SPEN: variants seen among roughly 807,000 people sequenced by gnomAD.
The protein encoded by SPEN is spen family transcriptional repressor.
Under a neutral mutation model 269.9 loss-of-function variants are expected in SPEN, and 18 were observed. That is an observed-to-expected ratio of 0.07 (90% confidence interval 0.05 to 0.10). The LOEUF (loss-of-function observed/expected upper bound fraction) is 0.10. Ranked by LOEUF, SPEN falls within the 10% of genes least tolerant of loss-of-function variation. SPEN has a pLI of 1.00. For missense variants in SPEN, 3,822 were observed against 4,631.2 expected (o/e 0.83, Z 5.07); for synonymous variants, 1,726 against 1,765.7 (o/e 0.98, Z 0.56).
intron 3 of SPEN, among the ~76,000 whole-genome samples, chr1:15,887,460 T>C (rs1166419005): frequency 6.6e-6 from 1 of 151,054 alleles, no homozygotes; most frequent in Non-Finnish European, 1.5e-5. Flanking sequence ...TTTTTGTATT[T>C]TTAGTAGAGA....
chr1:15,874,464 A>C, intron 2 of SPEN: 1 of 1,191,158 alleles, frequency 8.4e-7, no homozygotes, highest in Non-Finnish European at 1.1e-6. Flanking sequence ...TTTTTTCCCC[A>C]CTAACTCTAG....
chr1:15,877,795 A>C (rs554954986), intron 3 of SPEN, among the ~76,000 whole-genome samples: 60 of 124,668 alleles, frequency 4.8e-4, no homozygotes, highest in African/African-American at 1.9e-3. Context: ...CCTAGGCTGG[A>C]GTGCAATGGC....
chr1:15,874,976 G>T (rs1253986496), intron 2 of SPEN, among the ~76,000 whole-genome samples: 2 of 152,118 alleles, frequency 1.3e-5, no homozygotes, highest in Non-Finnish European at 2.9e-5. Flanking sequence ...GGTATTAATT[G>T]TTATAAGATT....
chr1:15,869,590 A>G (rs2070552711), intron 1 of SPEN, among the ~76,000 whole-genome samples: 1 of 150,590 alleles, frequency 6.6e-6, no homozygotes, highest in Non-Finnish European at 1.5e-5. Flanking sequence ...GTATTTATTT[A>G]TTTATTTATT....
chr1:15,885,416 G>A (rs2070727731), intron 3 of SPEN, among the ~76,000 whole-genome samples: 1 of 152,154 alleles, frequency 6.6e-6, no homozygotes, highest in Admixed American at 6.5e-5. Context: ...GTTACATGAA[G>A]TTTCTTTTTA....
Position 15,932,159 on chromosome 1 carries a change from A to G in SPEN, c.5919A>G (p.Glu1973=). 2 of 1,612,908 alleles carry G rather than the reference A, an allele frequency of 1.2e-6. No homozygotes were observed. The highest frequency in any genetic ancestry group is 1.7e-6 in the Non-Finnish European group (2 of 1,179,498). The change falls in exon 11 of 15, where the codon GAA becomes GAG. Residue 1973 remains glutamate, a synonymous_variant. Transcript: ENST00000375759. This position sits in a 1 kb window ranked among gnomAD's most constrained non-coding sequence, Gnocchi z 4.2. The part of the protein sequence containing the change: ...EEENEAKEPA[E]TLKPPEGWRS... ...AGAACGAGGCCAAGGAACCTGCAGAAACACTCAAGCCACCTGAGGGATGGC... is the reference window on the plus strand; with the variant it reads ...AGAACGAGGCCAAGGAACCTGCAGAGACACTCAAGCCACCTGAGGGATGGC...
chr1:15,926,384 T>C (rs848205), intron 10 of SPEN, among the ~76,000 whole-genome samples: 15,932 of 145,868 alleles, frequency 0.11, 1,220 homozygotes, highest in Admixed American at 0.23. Context: ...GATATATACA[T>C]ACACACACAC....
chr1:15,895,678 C>T (rs1226183580), intron 3 of SPEN, among the ~76,000 whole-genome samples: 1 of 129,688 alleles, frequency 7.7e-6, no homozygotes, highest in African/African-American at 3.0e-5. Context: ...TATACTTAAC[C>T]TTTTTTTTTT....
intron 3 of SPEN, among the ~76,000 whole-genome samples, chr1:15,900,907 T>C (rs1038901401): frequency 6.6e-6 from 1 of 151,820 alleles, no homozygotes; most frequent in African/African-American, 2.4e-5. Flanking sequence ...AACAAAAATG[T>C]TGTAGAACCC....
At position 15,935,075 on chromosome 1, in the gene SPEN, C is replaced by T. The variant is rs746798402; in HGVS notation, c.8835C>T (p.Asn2945=). The T allele has an allele frequency of 1.9e-6, 3 of 1,614,060 alleles. No individual in the cohort carries two copies. The highest frequency in any genetic ancestry group is 1.3e-5 in the African/African-American group (1 of 75,000). ...GINTPPVLVH[N]QLVLTPSIVT... is the part of the protein sequence containing the mutation. The stretch of plus-strand genomic sequence containing the variant: ...ACACACCCCCTGTGCTGGTTCACAA[C>T]CAGCTGGTCCTCACCCCAAGCATTG... Residue 2945 remains asparagine (N), a synonymous_variant, in exon 11 of 15, where the codon AAC becomes AAT. Coordinates refer to ENST00000375759, the MANE Select transcript of SPEN (RefSeq NM_015001.3). This position sits in a 1 kb window ranked among gnomAD's most constrained non-coding sequence, Gnocchi z 7.7.
At chr1:15,855,999 T>C (rs1340742519) in intron 1 of SPEN, among the ~76,000 whole-genome samples, 1 of 146,800 alleles carries the variant, frequency 6.8e-6, no homozygotes, top group Non-Finnish European at 1.5e-5. Flanking sequence ...ACTTTTTTTT[T>C]TTTTTTTTTT....
Position 15,920,921 on chromosome 1 carries a change from G to A in SPEN, c.1687G>A (p.Glu563Lys). The A allele has an allele frequency of 6.2e-7, 1 of 1,613,292 alleles. No individual in the cohort carries two copies. The highest frequency in any genetic ancestry group is 8.5e-7 in the Non-Finnish European group (1 of 1,179,772). Reference sequence around the variant, plus strand: ...GGCCCTGGTTCTCTACAATGAAATTGAATATGCACAAGCAGCTGTAAAAGA... The same window carrying A: ...GGCCCTGGTTCTCTACAATGAAATTAAATATGCACAAGCAGCTGTAAAAGA... ...GMALVLYNEI[E>K]YAQAAVKETK... Residue 563 changes from glutamate (E) to lysine (K), a missense_variant, in exon 9 of 15, where the codon GAA becomes AAA. Physicochemically the swap from Glu to Lys is moderately conservative, Grantham distance 56. Around this residue, in one of 16 missense-constraint regions of SPEN, gnomAD observed 230 missense variants for 426.1 expected, o/e 0.54. Transcript: ENST00000375759.
chr1:15,872,816 A>C lies in SPEN; in HGVS notation c.84A>C (p.Arg28=). The change falls in exon 2 of 15, where the codon CGA becomes CGC. Residue 28 remains arginine, a splice_region_variant and synonymous_variant. Transcript: ENST00000375759. ...ATAACGTTGACTTTATTTTTTCCAG[A>C]TATGGCCGCGTGGAAAGTGTCAAAA... ...REEKIIEHFK[R]YGRVESVKIL... The C allele has an allele frequency of 6.7e-7, 1 of 1,486,378 alleles. No homozygotes were observed. The highest frequency in any genetic ancestry group is 9.0e-7 in the Non-Finnish European group (1 of 1,113,016). The allele number at this position is 1,486,378 out of a possible 1,614,324, so 92.1% of individuals were successfully genotyped here.
intron 13 of SPEN, 62 bp downstream of exon 13, chr1:15,938,068 C>T: frequency 7.1e-7 from 1 of 1,409,498 alleles, no homozygotes; most frequent in Non-Finnish European, 9.7e-7. Context: ...CGTAGGTAGT[C>T]CCTGCCAGCC....
At chr1:15,921,855 T>C (rs2071122834) in intron 9 of SPEN, among the ~76,000 whole-genome samples, 1 of 152,242 alleles carries the variant, frequency 6.6e-6, no homozygotes, top group African/African-American at 2.4e-5. Flanking sequence ...CATCATATGC[T>C]TTAGTAACTT....
intron 3 of SPEN, among the ~76,000 whole-genome samples, chr1:15,904,452 C>CAAAAAAAAAAAAAA (rs1215369183): frequency 0.012 from 572 of 48,564 alleles, 51 homozygotes; most frequent in Non-Finnish European, 0.019. Context: ...AACTCCATCT[C>CAAAAAAAAAAAAAA]AAAAAAAAAA....
intron 3 of SPEN, among the ~76,000 whole-genome samples, chr1:15,898,286 A>G (rs1479901741): frequency 6.6e-6 from 1 of 151,756 alleles, no homozygotes; most frequent in Non-Finnish European, 1.5e-5. Flanking sequence ...ATTATTTTGC[A>G]ACCATCACCA....
At chr1:15,902,686 T>C (rs936829222) in intron 3 of SPEN, among the ~76,000 whole-genome samples, 2 of 152,130 alleles carry the variant, frequency 1.3e-5, no homozygotes, top group African/African-American at 4.8e-5. Context: ...AAATAGATGA[T>C]TATTCTAATA....
intron 3 of SPEN, among the ~76,000 whole-genome samples, chr1:15,901,665 A>AAC (rs1557749209): frequency 2.0e-5 from 3 of 149,260 alleles, no homozygotes; most frequent in Non-Finnish European, 4.4e-5. Context: ...AAAAAAAAAA[A>AAC]AAAACACCAA....
Sources: gnomAD v4.1 joint callset for allele counts (sites outside exome capture counted in the v4.1 genomes callset) on GRCh38, gnomAD v4.1.1 for gene constraint, gnomAD v4.1.1 regional missense constraint, Gnocchi (gnomAD v3.1) non-coding constraint, MANE v1.5 for transcripts, NCBI Gene and HGNC (gene_info 2026-07-23, HGNC 2026-07-21) for gene names.